The following HS2ST1 variants were observed in gnomAD, a reference collection of about 807,000 sequenced individuals.
The protein encoded by HS2ST1 is 2-O-sulfotransferase.
A neutral mutation model predicts 42.9 loss-of-function variants in HS2ST1; 18 were observed. The observed-to-expected ratio is 0.42, with a 90% confidence interval of 0.29 to 0.62. The LOEUF (loss-of-function observed/expected upper bound fraction) is 0.62, where lower values mean the gene tolerates loss of function less well. Among genes scored for constraint, HS2ST1 ranks in the 20% least tolerant of loss-of-function variants. HS2ST1 has a pLI of 0.21. For missense variants in HS2ST1, 334 were observed against 433.8 expected, an observed-to-expected ratio of 0.77 and a Z score of 2.04; for synonymous variants, 146 against 152.9, an observed-to-expected ratio of 0.95 and a Z score of 0.33.
chr1:87,013,874 T>G (rs931685985), intron 1 of HS2ST1, among the ~76,000 whole-genome samples: 2 of 152,178 alleles, frequency 1.3e-5, no homozygotes, highest in African/African-American at 4.8e-5. Context: ...TCCACAGGTC[T>G]CCAGGGCAGG....
chr1:86,948,192 A>G (rs1186623996), intron 1 of HS2ST1, among the ~76,000 whole-genome samples: 1 of 152,080 alleles, frequency 6.6e-6, no homozygotes, highest in African/African-American at 2.4e-5. Context: ...ATCTCACTAT[A>G]TATCTTTTAG....
intron 4 of HS2ST1, among the ~76,000 whole-genome samples, chr1:87,095,879 C>T (rs116141686): frequency 6.1e-4 from 93 of 151,658 alleles, no homozygotes; most frequent in African/African-American, 2.0e-3. Context: ...AACTATTTCT[C>T]CTCCGACAAA....
chr1:87,074,264 G>C (rs1483740842), intron 2 of HS2ST1, among the ~76,000 whole-genome samples: 1 of 152,126 alleles, frequency 6.6e-6, no homozygotes, highest in African/African-American at 2.4e-5. Flanking sequence ...AGAAACATGA[G>C]TTGTTTTTAG....
intron 1 of HS2ST1, among the ~76,000 whole-genome samples, chr1:86,973,500 C>T (rs1264871048): frequency 3.9e-5 from 6 of 151,956 alleles, no homozygotes; most frequent in African/African-American, 1.5e-4. Flanking sequence ...AAGTTGCTTA[C>T]CTTTGTTGGG....
intron 1 of HS2ST1, among the ~76,000 whole-genome samples, chr1:86,920,206 A>G (rs1422945367): frequency 6.6e-6 from 1 of 152,202 alleles, no homozygotes; most frequent in African/African-American, 2.4e-5. Flanking sequence ...TACATGGGGA[A>G]AATAATTGAG....
chr1:86,977,998 A>G (rs1245418589), intron 1 of HS2ST1, among the ~76,000 whole-genome samples: 1 of 152,148 alleles, frequency 6.6e-6, no homozygotes, highest in Non-Finnish European at 1.5e-5. Context: ...CCTATCTCCT[A>G]ATGACATTAT....
At chr1:87,010,548 G>A (rs192299335) in intron 1 of HS2ST1, among the ~76,000 whole-genome samples, 1 of 152,028 alleles carries the variant, frequency 6.6e-6, no homozygotes. Context: ...TTCTGGTAAA[G>A]GAGCCAGTAG....
chr1:86,943,589 G>A (rs1050429208), intron 1 of HS2ST1, among the ~76,000 whole-genome samples: 1 of 151,862 alleles, frequency 6.6e-6, no homozygotes, highest in Admixed American at 6.6e-5. Context: ...AGGTATGGTG[G>A]CAGGCACCTG....
chr1:86,935,328 T>G (rs1246452699), intron 1 of HS2ST1, among the ~76,000 whole-genome samples: 3 of 152,066 alleles, frequency 2.0e-5, no homozygotes, highest in Non-Finnish European at 4.4e-5. Context: ...TAAATAGAAC[T>G]GCTTAAAATT....
At chr1:86,918,409 A>G (rs1464932322) in intron 1 of HS2ST1, among the ~76,000 whole-genome samples, 3 of 152,112 alleles carry the variant, frequency 2.0e-5, no homozygotes, top group African/African-American at 7.2e-5. Context: ...GTATGCATGT[A>G]TCATAAATTA....
At chr1:86,968,071 T>G (rs1648114068) in intron 1 of HS2ST1, among the ~76,000 whole-genome samples, 1 of 152,204 alleles carries the variant, frequency 6.6e-6, no homozygotes, top group African/African-American at 2.4e-5. Context: ...GTTTCATATG[T>G]TTTTTGGCCA....
intron 4 of HS2ST1, among the ~76,000 whole-genome samples, chr1:87,097,540 C>T (rs1208327972): frequency 5.3e-5 from 8 of 152,030 alleles, no homozygotes; most frequent in Non-Finnish European, 8.8e-5. Context: ...ACTACAGGCG[C>T]GTGCTACCAC....
chr1:87,045,842 C>G, intron 1 of HS2ST1: 1 of 739,374 alleles, frequency 1.4e-6, no homozygotes, highest in Non-Finnish European at 2.5e-6. Flanking sequence ...CTCCATCCCC[C>G]TTTTCTGCTA....
Position 86,940,545 on chromosome 1 carries a change from G to A in HS2ST1, c.124+25385G>A, listed in dbSNP as rs193139541. ...CATATTCATTAGGCTATGGTAGGAA[G>A]TCCAGTTAGATTTAAACTGATACTT... is the stretch of plus-strand genomic sequence containing the variant. On this transcript the variant is annotated intron_variant, in intron 1 of 6. Coordinates refer to ENST00000370550, the MANE Select transcript of HS2ST1 (RefSeq NM_012262.4). Among the ~76,000 whole-genome samples the A allele has an allele frequency of 2.2e-3, 328 of 152,300 alleles. 1 individual carries two copies. Among genetic ancestry groups the A allele is most frequent in the Middle Eastern group, 6.8e-3 (2 of 294 alleles).
chr1:87,035,759 C>T (rs1017361434), intron 1 of HS2ST1, among the ~76,000 whole-genome samples: 1 of 151,412 alleles, frequency 6.6e-6, no homozygotes, highest in Non-Finnish European at 1.5e-5. Context: ...AAATCTTTAC[C>T]TCCCAGTATT....
chr1:87,024,067 T>C (rs1399767753), intron 1 of HS2ST1, among the ~76,000 whole-genome samples: 1 of 152,190 alleles, frequency 6.6e-6, no homozygotes, highest in Non-Finnish European at 1.5e-5. Flanking sequence ...CAGCTTAATA[T>C]AAGAGCATAC....
chr1:86,985,173 G>A (rs1243567811), intron 1 of HS2ST1, among the ~76,000 whole-genome samples: 2 of 149,096 alleles, frequency 1.3e-5, no homozygotes, highest in African/African-American at 4.9e-5. Flanking sequence ...GGCTAACACG[G>A]TGAAACCCCG....
At chr1:87,065,290 A>G (rs910042135) in intron 1 of HS2ST1, among the ~76,000 whole-genome samples, 1 of 152,214 alleles carries the variant, frequency 6.6e-6, no homozygotes, top group Non-Finnish European at 1.5e-5. Flanking sequence ...CAGACATTTA[A>G]TGGCACTGAG....
intron 4 of HS2ST1, 41 bp from the exon 5 acceptor site, chr1:87,097,797 T>C: frequency 1.9e-6 from 3 of 1,611,402 alleles, no homozygotes; most frequent in Non-Finnish European, 1.7e-6. Context: ...AGGTGAGACT[T>C]GGATTTATGG....
Sources: allele counts gnomAD v4.1 joint callset (sites outside exome capture counted in the v4.1 genomes callset), GRCh38; gene constraint gnomAD v4.1.1; transcripts MANE v1.5; gene names NCBI Gene and HGNC (gene_info 2026-07-23, HGNC 2026-07-21).